Variants in BTBD10 observed in about 807,000 individuals in gnomAD.
BTBD10 encodes BTB/POZ domain-containing protein 10.
Under a neutral mutation model 53.2 loss-of-function variants are expected in BTBD10, and 21 were observed. The observed-to-expected ratio is 0.39, with a 90% CI of 0.28 to 0.57. BTBD10 has a LOEUF of 0.57. Among genes scored for constraint, BTBD10 ranks in the 20% least tolerant of loss-of-function variants. The probability of loss-of-function intolerance (pLI) is 0.53; values close to 1 mark genes in which losing one functional copy is unlikely to be tolerated. For missense variants in BTBD10, 360 were observed against 594.7 expected (o/e 0.61, Z 4.10); for synonymous variants, 149 against 192.7 (o/e 0.77, Z 1.88).
chr11:13,453,681 G>A (rs1950909590), intron 1 of BTBD10, among the ~76,000 whole-genome samples: 1 of 152,160 alleles, frequency 6.6e-6, no homozygotes, highest in Non-Finnish European at 1.5e-5. Context: ...TTGAGGGCAA[G>A]AACAAAGTAT....
chr11:13,395,549 C>A (rs2135740569), intron 8 of BTBD10, among the ~76,000 whole-genome samples: 1 of 152,254 alleles, frequency 6.6e-6, no homozygotes, highest in African/African-American at 2.4e-5. Flanking sequence ...TTTAATTGAT[C>A]CAATTTGTCA....
intron 2 of BTBD10, among the ~76,000 whole-genome samples, chr11:13,431,945 C>G (rs1950455759): frequency 6.6e-6 from 1 of 151,878 alleles, no homozygotes. Context: ...TCCAACAGTA[C>G]TGCAAAGTTT....
Position 13,389,051 on chromosome 11 carries a change from A to G in BTBD10, c.1208T>C (p.Met403Thr), listed in dbSNP as rs1949333886. ...YNYVQRPFIR[M>T]SWEKEEGKSR... ...CTTTCCTTCTTCCTTCTCCCAGGAC[A>G]TTCGAATAAAGGGTCTTTGGACATA... The change falls in exon 9 of 9, where the codon ATG becomes ACG. Residue 403 changes from methionine (M) to threonine (T), a missense_variant. This residue lies in a region of BTBD10 where 52 missense variants were observed against 180.4 expected (regional missense o/e 0.29). Transcript: ENST00000278174. 4 of 1,614,010 alleles carry G rather than the reference A, an allele frequency of 2.5e-6. No homozygotes were observed. Among genetic ancestry groups the G allele is most frequent in the Non-Finnish European group, 3.4e-6 (4 of 1,179,976 alleles).
intron 5 of BTBD10, among the ~76,000 whole-genome samples, chr11:13,414,844 G>GAAAAAA (rs71041526): frequency 0.033 from 2,726 of 82,828 alleles, no homozygotes; most frequent in Non-Finnish European, 0.044. Flanking sequence ...CATCTCAAAC[G>GAAAAAA]AAAAAAAAAA....
rs72857064 is a variant in BTBD10 at position 13,451,081 on chromosome 11, T to C, written c.-57-5900A>G. Among the ~76,000 whole-genome samples, 308 of 151,852 alleles carry C rather than the reference T, an allele frequency of 2.0e-3. 1 individual carries two copies. The highest frequency in any genetic ancestry group is 3.4e-3 in the Middle Eastern group (1 of 292). ...AAATTTCAGGTAGATGTAGTGGAAG[T>C]GAAAGAAACAAAGAAAAGTGCAGGC... On this transcript the variant is annotated intron_variant, in intron 1 of 8. Transcript: ENST00000278174.
Position 13,392,714 on chromosome 11 carries a change from C to T in BTBD10, c.1118-3573G>A, listed in dbSNP as rs148218754. Among the ~76,000 whole-genome samples the T allele has an allele frequency of 4.0e-3, 614 of 152,196 alleles. 1 individual carries two copies. Among genetic ancestry groups the T allele is most frequent in the African/African-American group, 0.014 (589 of 41,530 alleles). On this transcript the variant is annotated intron_variant, in intron 8 of 8. Transcript: ENST00000278174. ...CTACTACTGTCTTGCCATTCCTGCC[C>T]AGGATGCAGAGGGTAGAATAATTCA...
At chr11:13,427,095 T>C (rs1950353529) in intron 2 of BTBD10, among the ~76,000 whole-genome samples, 1 of 152,166 alleles carries the variant, frequency 6.6e-6, no homozygotes, top group South Asian at 2.1e-4. Flanking sequence ...CACATGCCTG[T>C]GGTCCCAGCT....
At chr11:13,453,343 G>A (rs971173592) in intron 1 of BTBD10, among the ~76,000 whole-genome samples, 1 of 152,034 alleles carries the variant, frequency 6.6e-6, no homozygotes, top group African/African-American at 2.4e-5. Context: ...ATCCATGCTT[G>A]TATATGTTAA....
At chr11:13,439,948 A>C in intron 2 of BTBD10, 1 of 1,534,954 alleles carries the variant, frequency 6.5e-7, no homozygotes, top group Non-Finnish European at 8.7e-7. Context: ...ATCAGAGTAT[A>C]AAGGGACTCT....
intron 2 of BTBD10, among the ~76,000 whole-genome samples, chr11:13,442,508 G>A (rs926779707): frequency 2.0e-5 from 3 of 152,016 alleles, no homozygotes; most frequent in African/African-American, 7.2e-5. Context: ...ACTATCCACA[G>A]AGCTCCAACT....
intron 6 of BTBD10, among the ~76,000 whole-genome samples, chr11:13,407,536 A>G (rs1419616117): frequency 6.6e-6 from 1 of 152,246 alleles, no homozygotes; most frequent in Non-Finnish European, 1.5e-5. Context: ...TTAGTATACT[A>G]AATGAATAAA....
intron 2 of BTBD10, among the ~76,000 whole-genome samples, chr11:13,432,118 T>A (rs1950459981): frequency 6.6e-6 from 1 of 152,104 alleles, no homozygotes; most frequent in African/African-American, 2.4e-5. Context: ...AAAGTTTATA[T>A]GCTATATGAT....
intron 2 of BTBD10, among the ~76,000 whole-genome samples, chr11:13,433,006 T>C (rs185740620): frequency 5.8e-4 from 89 of 152,226 alleles, no homozygotes; most frequent in Admixed American, 3.5e-3. Flanking sequence ...AAAACTGTAA[T>C]ATAAAAAACT....
intron 8 of BTBD10, among the ~76,000 whole-genome samples, chr11:13,396,775 C>T (rs1237175939): frequency 6.6e-6 from 1 of 152,076 alleles, no homozygotes; most frequent in Non-Finnish European, 1.5e-5. Flanking sequence ...TATCAAAGGC[C>T]TTTTCTGCAT....
In BTBD10 at chr11:13,417,189, C is replaced by A; in HGVS notation, c.656G>T (p.Gly219Val). The A allele has an allele frequency of 1.2e-6, 2 of 1,613,438 alleles. No individual in the cohort carries two copies. The highest frequency in any genetic ancestry group is 1.7e-6 in the Non-Finnish European group (2 of 1,179,760). Reference protein sequence around the residue: ...NEKGEYEVAEGIGSTVFRAIL... With the variant: ...NEKGEYEVAEVIGSTVFRAIL... ...CGCTCGAAACACAGTGGAACCAATTCCCTCTGCCACCTCATACTCTCCTTT... is the reference window on the plus strand; with the variant it reads ...CGCTCGAAACACAGTGGAACCAATTACCTCTGCCACCTCATACTCTCCTTT... Residue 219 changes from glycine to valine, a missense_variant, in exon 5 of 9, where the codon GGA becomes GTA. Coordinates refer to ENST00000278174, the MANE Select transcript of BTBD10 (RefSeq NM_032320.7).
intron 1 of BTBD10, among the ~76,000 whole-genome samples, chr11:13,460,421 C>A (rs1277244002): frequency 6.6e-6 from 1 of 152,180 alleles, no homozygotes; most frequent in East Asian, 1.9e-4. Context: ...GCTTTGACCT[C>A]TAGCACTCCC....
intron 8 of BTBD10, among the ~76,000 whole-genome samples, chr11:13,393,610 A>G (rs1477112016): frequency 6.6e-6 from 1 of 152,194 alleles, no homozygotes; most frequent in Non-Finnish European, 1.5e-5. Flanking sequence ...TAGTGGAGAA[A>G]GAAAAGAGTG....
In BTBD10 at chr11:13,413,544, T is replaced by C. The variant is rs1483534026; in HGVS notation, c.794A>G (p.Lys265Arg). Residue 265 changes from lysine (K) to arginine (R), a missense_variant, in exon 6 of 9, where the codon AAA becomes AGA. Physicochemically the swap from Lys to Arg is conservative, Grantham distance 26. Around this residue, in one of 6 missense-constraint regions of BTBD10, gnomAD observed 91 missense variants for 171.7 expected, o/e 0.53. Coordinates refer to ENST00000278174, the MANE Select transcript of BTBD10 (RefSeq NM_032320.7). The part of the protein sequence containing the change: ...LCISFEYSTI[K>R]CRDLSALMHE... ...ATCATACTTACTGAGATCTCTACAT[T>C]TAATAGTGCTATATTCAAAAGAGAT... The C allele has an allele frequency of 6.2e-7, 1 of 1,607,446 alleles. No individual in the cohort carries two copies. Among genetic ancestry groups the C allele is most frequent in the Non-Finnish European group, 8.5e-7 (1 of 1,176,974 alleles).
intron 7 of BTBD10, 57 bp downstream of exon 7, chr11:13,405,602 T>C (rs969971876): frequency 1.3e-5 from 21 of 1,591,676 alleles, no homozygotes; most frequent in Non-Finnish European, 1.8e-5. Context: ...CTTCTTTACA[T>C]AAACAAGAAA....
Sources: gnomAD v4.1 joint callset for allele counts (sites outside exome capture counted in the v4.1 genomes callset) on GRCh38, gnomAD v4.1.1 for gene constraint, gnomAD v4.1.1 regional missense constraint, MANE v1.5 for transcripts, NCBI Gene and HGNC (gene_info 2026-07-23, HGNC 2026-07-21) for gene names.